The following C1QTNF3 variants were observed in gnomAD, a reference collection of about 807,000 sequenced individuals.
C1QTNF3 encodes complement C1q tumor necrosis factor-related protein 3.
C1QTNF3 carries 26 observed loss-of-function variants against 32.6 expected under a neutral mutation model. The observed-to-expected ratio is 0.80, with a 90% confidence interval of 0.58 to 1.11. The LOEUF (loss-of-function observed/expected upper bound fraction) is 1.11. C1QTNF3 is among the 50% of genes least tolerant of loss of function. C1QTNF3 has a pLI of 0.00. For synonymous variants in C1QTNF3, 155 were observed against 146.0 expected (o/e 1.06, Z -0.44); for missense variants, 362 against 398.2 (o/e 0.91, Z 0.77).
chr5:34,241,719 A>C, the C1QTNF3 span, among the ~76,000 whole-genome samples: 4 of 151,852 alleles, frequency 2.6e-5, no homozygotes, highest in African/African-American at 9.7e-5. Context: ...CCTGGGCAAC[A>C]TAGTGGAACC....
the C1QTNF3 span, among the ~76,000 whole-genome samples, chr5:34,116,307 T>C: frequency 1.3e-5 from 2 of 152,184 alleles, no homozygotes; most frequent in Non-Finnish European, 2.9e-5. Flanking sequence ...GTATGCTTTC[T>C]GCTTTTGCTA....
the C1QTNF3 span, chr5:34,164,912 T>A: frequency 6.6e-6 from 1 of 151,820 alleles, no homozygotes; most frequent in African/African-American, 2.4e-5. Flanking sequence ...ATAGTTCAGA[T>A]GGATCTTACC....
chr5:34,237,062 G>A, the C1QTNF3 span, among the ~76,000 whole-genome samples: 1 of 152,174 alleles, frequency 6.6e-6, no homozygotes, highest in Non-Finnish European at 1.5e-5. Context: ...TAAGTTACTA[G>A]TCATGGTGTC....
At chr5:34,072,420 A>C in the C1QTNF3 span, among the ~76,000 whole-genome samples, 7 of 113,104 alleles carry the variant, frequency 6.2e-5, no homozygotes, top group East Asian at 2.5e-4. Context: ...AAAGAAAGAA[A>C]GAACAGAAAT....
the C1QTNF3 span, among the ~76,000 whole-genome samples, chr5:34,195,810 A>T: frequency 6.6e-6 from 1 of 151,000 alleles, no homozygotes; most frequent in African/African-American, 2.5e-5. Context: ...ACTGCACTCC[A>T]GCCTGGGTGA....
chr5:34,103,992 T>C, the C1QTNF3 span, among the ~76,000 whole-genome samples: 1 of 149,602 alleles, frequency 6.7e-6, no homozygotes, highest in Non-Finnish European at 1.5e-5. Context: ...TGAAAAATTA[T>C]GTTGCCATCA....
chr5:34,239,407 G>A, the C1QTNF3 span: 19 of 152,310 alleles, frequency 1.2e-4, no homozygotes, highest in East Asian at 2.3e-3. Context: ...CATCTCATAT[G>A]TAATGACAGC....
the C1QTNF3 span, among the ~76,000 whole-genome samples, chr5:34,196,819 C>T: frequency 6.6e-6 from 1 of 151,954 alleles, no homozygotes; most frequent in African/African-American, 2.4e-5. Context: ...GCCACCACGC[C>T]CGGCTAATTT....
chr5:34,044,383 T>C (rs762332322), upstream of C1QTNF3, among the ~76,000 whole-genome samples: 10 of 152,096 alleles, frequency 6.6e-5, no homozygotes, highest in Admixed American at 2.6e-4. Context: ...GGACCGTAAA[T>C]AGCATGGGTG....
At chr5:34,095,080 ATAG>A in the C1QTNF3 span, among the ~76,000 whole-genome samples, 1 of 152,176 alleles carries the variant, frequency 6.6e-6, no homozygotes, top group East Asian at 1.9e-4. Flanking sequence ...TTAATGTTTG[ATAG>A]TAGAATAGGG....
At chr5:34,026,519 G>A (rs1026338765) in intron 4 of C1QTNF3, among the ~76,000 whole-genome samples, 2 of 151,822 alleles carry the variant, frequency 1.3e-5, no homozygotes, top group Non-Finnish European at 2.9e-5. Context: ...TGAAGGCAAG[G>A]GAACCAGGAA....
At chr5:34,214,187 GAAGTA>G in the C1QTNF3 span, among the ~76,000 whole-genome samples, 1 of 151,920 alleles carries the variant, frequency 6.6e-6, no homozygotes, top group Non-Finnish European at 1.5e-5. Flanking sequence ...AAGTAATTAA[GAAGTA>G]AAGCAACGGA....
the C1QTNF3 span, among the ~76,000 whole-genome samples, chr5:34,156,318 G>A: frequency 2.0e-5 from 3 of 152,062 alleles, no homozygotes; most frequent in Non-Finnish European, 4.4e-5. Flanking sequence ...TGATCCACCC[G>A]CCTCGGCCTC....
chr5:34,100,444 A>C, the C1QTNF3 span, among the ~76,000 whole-genome samples: 1 of 151,810 alleles, frequency 6.6e-6, no homozygotes, highest in Admixed American at 6.6e-5. Context: ...TGCATCAACA[A>C]AATGGGCTTA....
the C1QTNF3 span, among the ~76,000 whole-genome samples, chr5:34,078,342 C>T: frequency 6.6e-6 from 1 of 151,790 alleles, no homozygotes; most frequent in South Asian, 2.1e-4. The surrounding 1 kb of genome is among the most constrained non-coding windows in gnomAD (Gnocchi z 4.0). Flanking sequence ...GACACTGAGA[C>T]TGGGTCATTT....
chr5:34,122,032 T>C, the C1QTNF3 span, among the ~76,000 whole-genome samples: 1 of 152,234 alleles, frequency 6.6e-6, no homozygotes, highest in Non-Finnish European at 1.5e-5. Flanking sequence ...CTGTCATTTA[T>C]AAGCTACATA....
chr5:34,196,817 G>T, the C1QTNF3 span, among the ~76,000 whole-genome samples: 7 of 151,770 alleles, frequency 4.6e-5, no homozygotes, highest in African/African-American at 1.2e-4. Context: ...CCGCCACCAC[G>T]CCCGGCTAAT....
At position 34,018,584 on chromosome 5, in the gene C1QTNF3, G is replaced by C. The variant is rs1754250797; in HGVS notation, c.*1999C>G. Among the ~76,000 whole-genome samples the C allele has an allele frequency of 6.6e-6, 1 of 152,016 alleles. No individual in the cohort carries two copies. The highest frequency in any genetic ancestry group is 1.5e-5 in the Non-Finnish European group (1 of 68,008). ...TTATGAATTCCAGCCACATCATTTG[G>C]AGTTTACATTTGCATATTCCATCCT... On this transcript the variant is annotated 3_prime_UTR_variant, in exon 6 of 6. Transcript: ENST00000382065.
chr5:34,167,863 T>A, the C1QTNF3 span: 1 of 152,156 alleles, frequency 6.6e-6, no homozygotes, highest in Non-Finnish European at 1.5e-5. Flanking sequence ...TTCAGTTTGG[T>A]TTTCCAGAGT....
Sources: gnomAD v4.1 joint callset for allele counts (sites outside exome capture counted in the v4.1 genomes callset) on GRCh38, gnomAD v4.1.1 for gene constraint, Gnocchi (gnomAD v3.1) non-coding constraint, MANE v1.5 for transcripts, NCBI Gene and HGNC (gene_info 2026-07-23, HGNC 2026-07-21) for gene names.